DLG2: variants seen among roughly 807,000 people sequenced by gnomAD.
DLG2 encodes the protein disks large homolog 2.
In DLG2, 45 loss-of-function variants were observed where a neutral mutation model predicts 132.5. The observed-to-expected ratio is 0.34, with a 90% CI of 0.27 to 0.44. The LOEUF (loss-of-function observed/expected upper bound fraction) is 0.44. Among genes scored for constraint, DLG2 ranks in the 20% least tolerant of loss-of-function variants. The pLI is 1.00. For synonymous variants in DLG2, 424 were observed against 419.6 expected, an observed-to-expected ratio of 1.01 and a Z score of -0.13; for missense variants, 1,045 against 1,196.9, an observed-to-expected ratio of 0.87 and a Z score of 1.87.
intron 10 of DLG2, among the ~76,000 whole-genome samples, chr11:84,098,082 T>G (rs1307262429): frequency 7.1e-6 from 1 of 141,796 alleles, no homozygotes; most frequent in East Asian, 2.3e-4. Flanking sequence ...ATGGACTCAC[T>G]CTGTCACCCA....
intron 6 of DLG2, among the ~76,000 whole-genome samples, chr11:84,614,658 T>C (rs2154538866): frequency 6.6e-6 from 1 of 152,314 alleles, no homozygotes; most frequent in South Asian, 2.1e-4. Context: ...TATATACATT[T>C]TTTACCTGTT....
chr11:85,287,923 T>C (rs776744254), intron 3 of DLG2, among the ~76,000 whole-genome samples: 2 of 152,058 alleles, frequency 1.3e-5, no homozygotes, highest in Admixed American at 1.3e-4. Flanking sequence ...AAAACTGAAC[T>C]ATATATTTTT....
At chr11:85,503,740 C>A (rs1353427242) in intron 3 of DLG2, among the ~76,000 whole-genome samples, 1 of 151,954 alleles carries the variant, frequency 6.6e-6, no homozygotes, top group Non-Finnish European at 1.5e-5. Context: ...AAGACCGAGC[C>A]AGGTAACACA....
At chr11:84,710,747 A>G (rs1390795641) in intron 6 of DLG2, among the ~76,000 whole-genome samples, 2 of 151,554 alleles carry the variant, frequency 1.3e-5, no homozygotes, top group East Asian at 3.9e-4. Flanking sequence ...AAACTTCAAT[A>G]AAGATAATAC....
intron 15 of DLG2, among the ~76,000 whole-genome samples, chr11:83,885,161 G>A (rs942800735): frequency 7.9e-5 from 12 of 152,192 alleles, no homozygotes; most frequent in African/African-American, 2.7e-4. Flanking sequence ...GCTACAGGAG[G>A]AAATTCAAAC....
chr11:85,186,969 C>T (rs1475770296), intron 4 of DLG2, among the ~76,000 whole-genome samples: 1 of 152,006 alleles, frequency 6.6e-6, no homozygotes, highest in Admixed American at 6.6e-5. Flanking sequence ...CTCAGAGTAT[C>T]CCCCTTAAAG....
intron 18 of DLG2, among the ~76,000 whole-genome samples, chr11:83,685,392 A>T (rs2079557412): frequency 6.6e-6 from 1 of 152,130 alleles, no homozygotes; most frequent in Admixed American, 6.6e-5. Context: ...TCACTCACAA[A>T]ATCAATATCC....
chr11:84,543,797 G>A (rs1195061781), intron 6 of DLG2, among the ~76,000 whole-genome samples: 3 of 152,134 alleles, frequency 2.0e-5, no homozygotes, highest in African/African-American at 7.2e-5. Flanking sequence ...AGCTCTCCCA[G>A]GTGCTCCATT....
chr11:83,969,935 T>TC (rs1270452804), intron 12 of DLG2, among the ~76,000 whole-genome samples: 1 of 132,918 alleles, frequency 7.5e-6, no homozygotes, highest in African/African-American at 3.2e-5. Context: ...GGGTGTTTCC[T>TC]CTAAAAAAAA....
At chr11:85,310,182 C>T (rs1292880105) in intron 3 of DLG2, among the ~76,000 whole-genome samples, 2 of 152,170 alleles carry the variant, frequency 1.3e-5, no homozygotes, top group African/African-American at 2.4e-5. Context: ...AATAATCCAT[C>T]AAACTGCCTT....
intron 7 of DLG2, among the ~76,000 whole-genome samples, chr11:84,287,754 ACAC>A (rs2097925543): frequency 6.7e-6 from 1 of 149,688 alleles, no homozygotes. Flanking sequence ...ACACACACAC[ACAC>A]ACACACACAC....
At chr11:84,137,750 T>C (rs888956235) in intron 9 of DLG2, among the ~76,000 whole-genome samples, 2 of 152,160 alleles carry the variant, frequency 1.3e-5, no homozygotes, top group South Asian at 4.1e-4. Context: ...TTCAATTTCC[T>C]TTCTCAGGAT....
chr11:84,290,680 G>T (rs1533372), intron 7 of DLG2, among the ~76,000 whole-genome samples: 109,013 of 151,940 alleles, frequency 0.72, 39,255 homozygotes, highest in Admixed American at 0.78. Context: ...AAGGAAGTGG[G>T]AGAGATATTG....
chr11:83,723,390 T>C (rs760249837), intron 18 of DLG2, among the ~76,000 whole-genome samples: 15 of 150,798 alleles, frequency 9.9e-5, no homozygotes, highest in Non-Finnish European at 1.8e-4. Flanking sequence ...AAAATAAAAA[T>C]AAATAAATAA....
intron 8 of DLG2, among the ~76,000 whole-genome samples, chr11:84,238,470 T>C (rs1384465389): frequency 6.6e-6 from 1 of 151,232 alleles, no homozygotes; most frequent in Non-Finnish European, 1.5e-5. Context: ...CAGTGAGCCC[T>C]GATGGCACCA....
chr11:84,985,097 A>G (rs2056304987), intron 6 of DLG2, among the ~76,000 whole-genome samples: 2 of 152,226 alleles, frequency 1.3e-5, no homozygotes, highest in African/African-American at 4.8e-5. Flanking sequence ...CGAAGAAACA[A>G]TGGACTTAAA....
chr11:84,016,412 A>T (rs2095189594), intron 11 of DLG2, among the ~76,000 whole-genome samples: 1 of 152,082 alleles, frequency 6.6e-6, no homozygotes, highest in Admixed American at 6.6e-5. Flanking sequence ...TCTTCATCAT[A>T]AAATGTTTCC....
At chr11:84,617,689 T>C (rs1210278164) in intron 6 of DLG2, among the ~76,000 whole-genome samples, 2 of 152,062 alleles carry the variant, frequency 1.3e-5, no homozygotes, top group African/African-American at 4.8e-5. Flanking sequence ...CAACAAACAT[T>C]AGACTATTAG....
intron 3 of DLG2, among the ~76,000 whole-genome samples, chr11:85,563,834 T>C (rs989767336): frequency 2.0e-4 from 31 of 152,260 alleles, no homozygotes; most frequent in African/African-American, 6.7e-4. Flanking sequence ...GGTAAATATA[T>C]ACAAGTGGAA....
Sources: gnomAD v4.1 joint callset for allele counts (sites outside exome capture counted in the v4.1 genomes callset) on GRCh38, gnomAD v4.1.1 for gene constraint, MANE v1.5 for transcripts, NCBI Gene and HGNC (gene_info 2026-07-23, HGNC 2026-07-21) for gene names.